The following ENTPD5 variants were observed in gnomAD, a reference collection of about 807,000 sequenced individuals.
The protein encoded by ENTPD5 is ectonucleoside triphosphate diphosphohydrolase 5 (inactive).
A neutral mutation model predicts 60.2 loss-of-function variants in ENTPD5; 49 were observed. The ratio of observed to expected loss-of-function variants is 0.81; its 90% CI spans 0.65 to 1.03. The LOEUF is 1.03. Among genes scored for constraint, ENTPD5 ranks in the 50% least tolerant of loss-of-function variants. The pLI, the probability that ENTPD5 is intolerant of heterozygous loss-of-function variation, is 0.00. For synonymous variants in ENTPD5, 187 were observed against 185.4 expected, an observed-to-expected ratio of 1.01 and a Z score of -0.07; for missense variants, 480 against 507.6, an observed-to-expected ratio of 0.95 and a Z score of 0.52.
downstream of ENTPD5, chr14:73,963,093 A>G (rs763420547): frequency 9.5e-7 from 1 of 1,055,644 alleles, no homozygotes; most frequent in South Asian, 1.3e-5. Flanking sequence ...TTAATTTAAT[A>G]AACTTACTTT....
chr14:74,006,664 C>A (rs992826769), intron 3 of ENTPD5, among the ~76,000 whole-genome samples: 2 of 151,380 alleles, frequency 1.3e-5, no homozygotes, highest in Non-Finnish European at 2.9e-5. Flanking sequence ...CAGCTCACTG[C>A]AACCTTCACC....
chr14:73,996,084 C>G, intron 3 of ENTPD5: 1 of 937,420 alleles, frequency 1.1e-6, no homozygotes, highest in Non-Finnish European at 1.3e-6. Flanking sequence ...TCCCAGAGGA[C>G]CTGGGCCCCA....
chr14:73,966,772 G>T lies in ENTPD5; in HGVS notation c.*156C>A. On this transcript the variant is annotated 3_prime_UTR_variant, in exon 16 of 16. Coordinates refer to ENST00000334696, the MANE Select transcript of ENTPD5 (RefSeq NM_001249.5). ...GGTGCCAGCTGTGTACTCTTGAGTG[G>T]TTAGGCAGCAGTTCACATTAGATGT... 1.7e-6 allele frequency: 1 copy of T among 603,982 alleles called. No individual in the cohort carries two copies. The highest frequency in any genetic ancestry group is 2.9e-6 in the Non-Finnish European group (1 of 341,626). 37.4% of individuals were successfully genotyped at this position (603,982 alleles called of 1,614,324 possible).
chr14:73,984,942 C>T (rs2057839743), intron 5 of ENTPD5, among the ~76,000 whole-genome samples: 1 of 152,136 alleles, frequency 6.6e-6, no homozygotes, highest in African/African-American at 2.4e-5. Flanking sequence ...TGTTCCCCAC[C>T]CTGTGTCCTC....
At chr14:73,992,410 C>A (rs932327293) in intron 3 of ENTPD5, among the ~76,000 whole-genome samples, 6 of 152,140 alleles carry the variant, frequency 3.9e-5, no homozygotes, top group African/African-American at 1.4e-4. Context: ...TTAGGCCAGG[C>A]GTGGTGGCTC....
chr14:73,962,330 G>A (rs1421434311), downstream of ENTPD5, among the ~76,000 whole-genome samples: 1 of 152,046 alleles, frequency 6.6e-6, no homozygotes, highest in East Asian at 1.9e-4. Context: ...GTTACAAGCA[G>A]AAGAGTACTT....
chr14:74,011,111 A>C lies in ENTPD5; in HGVS notation c.-91T>G. 2 of 872,472 alleles carry C rather than the reference A, an allele frequency of 2.3e-6. No homozygotes were observed. The highest frequency in any genetic ancestry group is 1.4e-6 in the Non-Finnish European group (1 of 727,146). The allele number at this position is 872,472 out of a possible 1,614,324, so 54.0% of individuals were successfully genotyped here. A position where few individuals can be genotyped will look rare whatever the true frequency, so the allele number is the denominator to read the frequency against. ...CTTACCAATTTTTTCTTTCCTTCTGAATTTTCTCCTTGGTTCCTTTATTAT... is the reference window on the plus strand; with the variant it reads ...CTTACCAATTTTTTCTTTCCTTCTGCATTTTCTCCTTGGTTCCTTTATTAT... On this transcript the variant is annotated 5_prime_UTR_variant, in exon 3 of 16. The change creates a new upstream start codon in the 5' untranslated region. Transcript: ENST00000334696.
intron 3 of ENTPD5, among the ~76,000 whole-genome samples, chr14:74,010,848 A>G (rs1594958911): frequency 6.6e-6 from 1 of 152,036 alleles, no homozygotes; most frequent in Non-Finnish European, 1.5e-5. Context: ...TTACCTCCTA[A>G]TTTTCTTTTT....
downstream of ENTPD5, chr14:73,958,730 CTGGCTGAGTTTAACTCA>C: frequency 7.1e-7 from 1 of 1,417,478 alleles, no homozygotes; most frequent in Non-Finnish European, 9.2e-7. Flanking sequence ...TCAGGAGGGC[CTGGCTGAGTTTAACTCA>C]TGGCTGGCAC....
chr14:73,973,999 A>C (rs779728402), intron 11 of ENTPD5, 21 bp from the exon 12 acceptor site: 65 of 1,601,544 alleles, frequency 4.1e-5, no homozygotes, highest in Non-Finnish European at 5.2e-5. Context: ...CCAGGGCACA[A>C]GGTAAGAGGT....
At chr14:73,983,411 T>C (rs887814248) in intron 5 of ENTPD5, among the ~76,000 whole-genome samples, 4 of 151,900 alleles carry the variant, frequency 2.6e-5, no homozygotes, top group African/African-American at 9.7e-5. Flanking sequence ...TCATTTGAGG[T>C]CAGGAGTTTG....
intron 3 of ENTPD5, among the ~76,000 whole-genome samples, chr14:73,991,113 T>A (rs964936649): frequency 6.6e-6 from 1 of 152,344 alleles, no homozygotes; most frequent in Non-Finnish European, 1.5e-5. Flanking sequence ...TACTAGCAAC[T>A]TTTTTCCCCC....
intron 5 of ENTPD5, among the ~76,000 whole-genome samples, chr14:73,984,294 C>G (rs1462282293): frequency 6.6e-6 from 1 of 152,208 alleles, no homozygotes; most frequent in Non-Finnish European, 1.5e-5. Context: ...TGTGGCCTAA[C>G]TTAGGTCACT....
rs1566738590 is a variant in ENTPD5, at chr14:73,987,842, AGT to A, written c.217+42_217+43del. The A allele has an allele frequency of 1.9e-6, 3 of 1,576,484 alleles. No individual in the cohort carries two copies. The South Asian group carries it at 3.4e-5, about 18-fold the overall frequency. ...ATTTGTTTCTGGGAGGAGATGCTAA[AGT>A]GTGGATTTACAGACTCTACTAAGGG... On this transcript the variant is annotated intron_variant, in intron 4 of 15. Transcript: ENST00000334696.
chr14:73,973,830 G>A (rs1439547990), intron 12 of ENTPD5, 47 bp downstream of exon 12: 3 of 1,532,762 alleles, frequency 2.0e-6, no homozygotes, highest in Non-Finnish European at 2.7e-6. Flanking sequence ...CTTTTCCAGA[G>A]CTTCCATTGT....
chr14:73,983,347 C>T (rs1168387044), intron 5 of ENTPD5, among the ~76,000 whole-genome samples, 186 bp from the exon 6 acceptor site: 1 of 152,044 alleles, frequency 6.6e-6, no homozygotes, highest in African/African-American at 2.4e-5. Context: ...AGGCCAGGCG[C>T]AGTGGTGTCT....
chr14:73,959,496 T>C, downstream of ENTPD5: 1 of 1,614,106 alleles, frequency 6.2e-7, no homozygotes, highest in South Asian at 1.1e-5. Context: ...TGAGGAAAAA[T>C]TTGTGGATGC....
At chr14:74,016,328 AT>A (rs1192381645) in intron 1 of ENTPD5, among the ~76,000 whole-genome samples, 2 of 152,208 alleles carry the variant, frequency 1.3e-5, no homozygotes. Flanking sequence ...TCAATAAAAA[AT>A]ATATATAATA....
In ENTPD5 at chr14:73,966,029, A is replaced by G. The variant is rs1327885791; in HGVS notation, c.*899T>C. 1 of 152,256 alleles carries G rather than the reference A, an allele frequency of 6.6e-6. No homozygotes were observed. Among genetic ancestry groups the G allele is most frequent in the East Asian group, 1.9e-4 (1 of 5,200 alleles). The allele number at this position is 152,256 out of a possible 1,614,324, so 9.4% of individuals were successfully genotyped here. A position where few individuals can be genotyped will look rare whatever the true frequency, so the allele number is the denominator to read the frequency against. On this transcript the variant is annotated 3_prime_UTR_variant, in exon 16 of 16. Coordinates refer to ENST00000334696, the MANE Select transcript of ENTPD5 (RefSeq NM_001249.5). ...GCAAACTGAAATAATAGATCCTGGA[A>G]TAGCACAGACACTGACCTCTGACCA...
Sources: allele counts gnomAD v4.1 joint callset (sites outside exome capture counted in the v4.1 genomes callset), GRCh38; gene constraint gnomAD v4.1.1; transcripts MANE v1.5; gene names NCBI Gene and HGNC (gene_info 2026-07-23, HGNC 2026-07-21).